Variants in DMD observed in about 807,000 individuals in gnomAD.
DMD encodes dystrophin.
A neutral mutation model predicts 330.1 loss-of-function variants in DMD; 63 were observed. That is an observed-to-expected ratio of 0.19 (90% CI 0.16 to 0.24). The LOEUF (loss-of-function observed/expected upper bound fraction) is 0.24. Among genes scored for constraint, DMD ranks in the 10% least tolerant of loss-of-function variants. The pLI is 1.00. For synonymous variants in DMD, 1,223 were observed against 959.8 expected, an observed-to-expected ratio of 1.27 and a Z score of -5.07; for missense variants, 3,344 against 2,684.1, an observed-to-expected ratio of 1.25 and a Z score of -5.43.
At chrX:32,097,210 C>T (rs777206992) in intron 44 of DMD, among the ~76,000 whole-genome samples, 3 of 110,694 alleles carry the variant, frequency 2.7e-5, no homozygotes, top group Admixed American at 9.7e-5. Flanking sequence ...TTTTAAGCCC[C>T]GCATGCATTA....
At chrX:32,812,291 CAAA>C (rs765607433) in intron 6 of DMD, among the ~76,000 whole-genome samples, 3 of 109,890 alleles carry the variant, frequency 2.7e-5, no homozygotes, top group African/African-American at 9.9e-5. Flanking sequence ...ACGAAAAAAA[CAAA>C]AAAAAAGTTA....
intron 44 of DMD, among the ~76,000 whole-genome samples, chrX:32,027,143 G>GACACACACACACACGCACGTGCACACAC (rs1569533812): frequency 2.8e-5 from 2 of 72,019 alleles, no homozygotes; most frequent in Non-Finnish European, 5.3e-5. Context: ...TGAGTATTAT[G>GACACACACACACACGCACGTGCACACAC]ACACACACAC....
chrX:32,129,745 G>GAA (rs2096680791), intron 44 of DMD, among the ~76,000 whole-genome samples: 3 of 107,439 alleles, frequency 2.8e-5, no homozygotes, highest in Admixed American at 1.0e-4. Flanking sequence ...GAGAGAGAGA[G>GAA]AGAGAGAGAG....
chrX:31,416,587 C>T (rs2061883195), intron 60 of DMD, among the ~76,000 whole-genome samples: 1 of 112,035 alleles, frequency 8.9e-6, no homozygotes, highest in African/African-American at 3.2e-5. Context: ...TAAAATCCTA[C>T]ACTTCATAAA....
intron 45 of DMD, among the ~76,000 whole-genome samples, chrX:31,934,500 T>A (rs2094899188): frequency 9.0e-6 from 1 of 111,731 alleles, no homozygotes; most frequent in Non-Finnish European, 1.9e-5. Flanking sequence ...ACATAGTAAG[T>A]GTATGTACTT....
chrX:31,379,592 C>G (rs751724813), intron 60 of DMD, among the ~76,000 whole-genome samples: 5 of 111,786 alleles, frequency 4.5e-5, no homozygotes, highest in Non-Finnish European at 9.4e-5. Flanking sequence ...ACTTAATTAA[C>G]CTCGCCTTCA....
At chrX:31,994,827 T>C (rs1253722999) in intron 44 of DMD, among the ~76,000 whole-genome samples, 2 of 112,427 alleles carry the variant, frequency 1.8e-5, no homozygotes, top group East Asian at 5.6e-4. Flanking sequence ...TTTCTCCCTG[T>C]TGATCTCTTC....
At chrX:32,782,947 TACACACACAC>T (rs1177021133) in intron 7 of DMD, among the ~76,000 whole-genome samples, 1 of 95,979 alleles carries the variant, frequency 1.0e-5, no homozygotes, top group Non-Finnish European at 2.0e-5. Context: ...AAAAATTATA[TACACACACAC>T]ATACACACAC....
intron 60 of DMD, among the ~76,000 whole-genome samples, chrX:31,362,391 A>G (rs1174455003): frequency 8.9e-6 from 1 of 112,368 alleles, no homozygotes; most frequent in Non-Finnish European, 1.9e-5. Context: ...TTCACGCACA[A>G]AAGTATTTAA....
chrX:31,968,437 T>C lies in DMD; in HGVS notation c.6516A>G (p.Gln2172=), dbSNP rs1285172878. 5 of 1,209,264 alleles carry C rather than the reference T, an allele frequency of 4.1e-6. No individual in the cohort carries two copies. Among genetic ancestry groups the C allele is most frequent in the African/African-American group, 1.7e-5 (1 of 57,147 alleles). The change falls in exon 45 of 79, where the codon CAA becomes CAG. Residue 2172 remains glutamine, a synonymous_variant. Coordinates refer to ENST00000357033, the MANE Select transcript of DMD (RefSeq NM_004006.3). ...LNATGEEIIQ[Q]SSKTDASILQ... ...GAATACTGGCATCTGTTTTTGAGGA[T>C]TGCTGAATTATTTCTTCCCCAGTTG...
chrX:32,974,043 C>A (rs911016074), intron 2 of DMD, among the ~76,000 whole-genome samples: 3 of 111,262 alleles, frequency 2.7e-5, no homozygotes, highest in Non-Finnish European at 5.7e-5. Flanking sequence ...TACGAATACC[C>A]GTAAACTGGT....
At chrX:32,462,358 A>C (rs936588105) in intron 25 of DMD, among the ~76,000 whole-genome samples, 2 of 112,123 alleles carry the variant, frequency 1.8e-5, no homozygotes, top group Non-Finnish European at 3.8e-5. Context: ...CCAATTGACC[A>C]CAAGCATTTG....
intron 7 of DMD, among the ~76,000 whole-genome samples, chrX:32,805,861 T>C (rs895168160): frequency 8.9e-6 from 1 of 111,914 alleles, no homozygotes; most frequent in African/African-American, 3.2e-5. Flanking sequence ...AGAAATAGAA[T>C]GCTTTAAAGA....
chrX:32,022,980 G>C (rs777741101), intron 44 of DMD, among the ~76,000 whole-genome samples: 1 of 109,565 alleles, frequency 9.1e-6, no homozygotes, highest in East Asian at 2.9e-4. Context: ...TTACAGGTGC[G>C]TGCCACCACG....
intron 51 of DMD, among the ~76,000 whole-genome samples, chrX:31,745,023 G>GT (rs2087709365): frequency 9.0e-6 from 1 of 111,504 alleles, no homozygotes; most frequent in Non-Finnish European, 1.9e-5. Flanking sequence ...AATGACAAAC[G>GT]TAATAGTCTA....
intron 9 of DMD, among the ~76,000 whole-genome samples, chrX:32,666,404 G>A (rs1602709842): frequency 9.1e-6 from 1 of 110,348 alleles, no homozygotes. Context: ...TCCCCTCCCT[G>A]TGTCCATGTG....
intron 55 of DMD, among the ~76,000 whole-genome samples, chrX:31,569,202 G>A (rs978474552): frequency 1.8e-5 from 2 of 110,340 alleles, no homozygotes; most frequent in Non-Finnish European, 1.9e-5. Flanking sequence ...TCAAGACTTC[G>A]TTATAATTTC....
intron 55 of DMD, among the ~76,000 whole-genome samples, chrX:31,594,172 C>T (rs1431961677): frequency 1.8e-5 from 2 of 110,630 alleles, no homozygotes; most frequent in Non-Finnish European, 3.8e-5. Context: ...CTGGCCTCTA[C>T]CCACTAGACT....
Position 31,258,379 on chromosome X carries a change from T to A in DMD, c.9286+2576A>T, listed in dbSNP as rs896948790. Among the ~76,000 whole-genome samples the A allele has an allele frequency of 2.7e-5, 3 of 112,634 alleles. No homozygotes were observed. The Admixed American group carries it at 2.8e-4, about 11-fold the overall frequency. ...GCAATAAATGGGAGATGTTATCTGATGAATCACCACTTGGATAAAAGCCCA... is the reference window on the plus strand; with the variant it reads ...GCAATAAATGGGAGATGTTATCTGAAGAATCACCACTTGGATAAAAGCCCA... On this transcript the variant is annotated intron_variant, in intron 63 of 78. Coordinates refer to ENST00000357033, the MANE Select transcript of DMD (RefSeq NM_004006.3).
Sources: allele counts gnomAD v4.1 joint callset (sites outside exome capture counted in the v4.1 genomes callset), GRCh38; gene constraint gnomAD v4.1.1; transcripts MANE v1.5; gene names NCBI Gene and HGNC (gene_info 2026-07-23, HGNC 2026-07-21).